TM9SF4: variants seen among roughly 807,000 people sequenced by gnomAD.
The protein encoded by TM9SF4 is dinucleotide oxidase disulfide thiol exchanger 3 superfamily member 4.
A neutral mutation model predicts 90.4 loss-of-function variants in TM9SF4; 26 were observed. That is an observed-to-expected ratio of 0.29 (90% CI 0.21 to 0.40). The LOEUF is 0.40. Ranked by LOEUF, TM9SF4 falls within the 10% of genes least tolerant of loss-of-function variation. TM9SF4 has a pLI of 1.00. For missense variants in TM9SF4, 549 were observed against 834.8 expected, an observed-to-expected ratio of 0.66 and a Z score of 4.22; for synonymous variants, 293 against 315.4, an observed-to-expected ratio of 0.93 and a Z score of 0.75.
chr20:32,112,477 C>G (rs2046157532), intron 1 of TM9SF4, among the ~76,000 whole-genome samples: 2 of 152,112 alleles, frequency 1.3e-5, no homozygotes, highest in South Asian at 4.1e-4. Context: ...AGGCAAATCA[C>G]TTGAGGCCAG....
Position 32,136,148 on chromosome 20 carries a change from G to A in TM9SF4, c.204G>A (p.Lys68=), listed in dbSNP as rs1311422208. 6.2e-7 allele frequency: 1 copy of A among 1,614,064 alleles called. No homozygotes were observed. Among genetic ancestry groups the A allele is most frequent in the African/African-American group, 1.3e-5 (1 of 74,928 alleles). Reference sequence around the variant, plus strand: ...CACTGCCCTTCTGCCAGCCCAGCAAGATAACCTACAAGGCAGAGAATCTGG... The same window carrying A: ...CACTGCCCTTCTGCCAGCCCAGCAAAATAACCTACAAGGCAGAGAATCTGG... ...YYSLPFCQPS[K]ITYKAENLGE... is the part of the protein sequence containing the mutation. The change falls in exon 3 of 18, where the codon AAG becomes AAA. Residue 68 remains lysine (K), a synonymous_variant. Coordinates refer to ENST00000398022, the MANE Select transcript of TM9SF4 (RefSeq NM_014742.4).
At chr20:32,161,088 C>G (rs1030196161) in intron 16 of TM9SF4, 188 bp from the exon 17 acceptor site, 2 of 541,276 alleles carry the variant, frequency 3.7e-6, no homozygotes, top group Admixed American at 3.2e-5. Flanking sequence ...CTTCTTTGTC[C>G]ACAGTTCTGT....
intron 1 of TM9SF4, among the ~76,000 whole-genome samples, chr20:32,121,858 G>A (rs1466763531): frequency 3.7e-4 from 54 of 146,692 alleles, no homozygotes; most frequent in Non-Finnish European, 6.8e-4. Context: ...CCTCCCGGAC[G>A]GGGCGGCTGG....
At chr20:32,127,988 T>C (rs1424517122) in intron 1 of TM9SF4, among the ~76,000 whole-genome samples, 4 of 152,226 alleles carry the variant, frequency 2.6e-5, no homozygotes, top group Non-Finnish European at 5.9e-5. Context: ...TAATCATACT[T>C]ACATATAAGG....
At chr20:32,152,513 C>T (rs2046857687) in intron 12 of TM9SF4, among the ~76,000 whole-genome samples, 1 of 151,904 alleles carries the variant, frequency 6.6e-6, no homozygotes, top group Admixed American at 6.6e-5. Flanking sequence ...CCGTGAATTC[C>T]ACCCCCTCCC....
intron 14 of TM9SF4, 105 bp from the exon 15 acceptor site, chr20:32,158,346 C>G (rs1165722919): frequency 7.3e-6 from 8 of 1,098,426 alleles, no homozygotes; most frequent in Admixed American, 3.5e-5. Flanking sequence ...GAATTAGCAC[C>G]ACCACACTCG....
chr20:32,135,448 GAGAAACTGATTTTTTAAA>G (rs932490075), intron 2 of TM9SF4, among the ~76,000 whole-genome samples: 2 of 152,198 alleles, frequency 1.3e-5, no homozygotes, highest in African/African-American at 4.8e-5. Context: ...ATGCTAATGG[GAGAAACTGATTTTTTAAA>G]AAACAGGGAA....
chr20:32,158,666 C>G, intron 15 of TM9SF4, 152 bp downstream of exon 15: 1 of 788,350 alleles, frequency 1.3e-6, no homozygotes, highest in South Asian at 1.7e-5. Context: ...TGGACAACAG[C>G]CTTCCCTCTC....
intron 13 of TM9SF4, among the ~76,000 whole-genome samples, chr20:32,156,937 A>ATTTTATTTTT: frequency 1.6e-5 from 1 of 63,050 alleles, no homozygotes; most frequent in Admixed American, 1.6e-4. Flanking sequence ...TTTCCTGGAC[A>ATTTTATTTTT]TTTTCTTTTT....
At chr20:32,124,302 G>A (rs2046386952) in intron 1 of TM9SF4, among the ~76,000 whole-genome samples, 1 of 152,238 alleles carries the variant, frequency 6.6e-6, no homozygotes. Context: ...GGAGAGACAA[G>A]TGAGACAAAC....
Position 32,166,321 on chromosome 20 carries a change from C to T in TM9SF4, c.*877C>T, listed in dbSNP as rs1401785640. 25 of 152,810 alleles carry T rather than the reference C, an allele frequency of 1.6e-4. No homozygotes were observed. The highest frequency in any genetic ancestry group is 1.4e-3 in the Admixed American group (22 of 15,292). 9.5% of individuals were successfully genotyped at this position (152,810 alleles called of 1,614,324 possible). ...GTGTCTGGGAAGGGATGGCCAAGGC[C>T]GCTAGGGTCCTTACCCCTCAGGATC... is the stretch of plus-strand genomic sequence containing the variant. On this transcript the variant is annotated 3_prime_UTR_variant, in exon 18 of 18. Coordinates refer to ENST00000398022, the MANE Select transcript of TM9SF4 (RefSeq NM_014742.4).
intron 1 of TM9SF4, among the ~76,000 whole-genome samples, chr20:32,117,081 G>A (rs562083785): frequency 6.6e-6 from 1 of 151,178 alleles, no homozygotes; most frequent in African/African-American, 2.4e-5. Context: ...AAAAATTGCC[G>A]GGTCTGGTGG....
chr20:32,165,255 C>G (rs372846954), intron 17 of TM9SF4, 40 bp from the exon 18 acceptor site: 15 of 1,611,682 alleles, frequency 9.3e-6, no homozygotes, highest in Non-Finnish European at 1.2e-5. Context: ...CAGCCTGGCA[C>G]TAAGCATGCA....
In TM9SF4 at chr20:32,146,847, G is replaced by C. The variant is rs146506651; in HGVS notation, c.946G>C (p.Asp316His). 1 of 1,613,922 alleles carries C rather than the reference G, an allele frequency of 6.2e-7. No homozygotes were observed. Residue 316 changes from aspartate (D) to histidine (H), a missense_variant, in exon 9 of 18, where the codon GAT becomes CAT. This residue lies in a region of TM9SF4 where 495 missense variants were observed against 711.7 expected (regional missense o/e 0.70). Coordinates refer to ENST00000398022, the MANE Select transcript of TM9SF4 (RefSeq NM_014742.4). The part of the protein sequence containing the change: ...RKDIANYNKE[D>H]DIEDTMEESG... ...GGACATTGCCAACTACAACAAGGAG[G>C]ATGACATTGTACGAGGTCTTGGCTG... is the stretch of plus-strand genomic sequence containing the variant.
At chr20:32,148,106 G>A (rs149031617) in intron 9 of TM9SF4, among the ~76,000 whole-genome samples, 144 of 152,204 alleles carry the variant, frequency 9.5e-4, no homozygotes, top group Middle Eastern at 3.4e-3. Flanking sequence ...GCAAGACTCC[G>A]TCTCATAAAT....
At chr20:32,153,539 A>C (rs1351713852) in intron 12 of TM9SF4, among the ~76,000 whole-genome samples, 5 of 152,218 alleles carry the variant, frequency 3.3e-5, no homozygotes, top group African/African-American at 1.2e-4. Context: ...ACTTGAGCCC[A>C]GGAGTTTGAG....
At position 32,157,808 on chromosome 20, in the gene TM9SF4, C is replaced by T. The variant is rs753530065; in HGVS notation, c.1344C>T (p.Thr448=). The T allele has an allele frequency of 6.2e-7, 1 of 1,614,176 alleles. No homozygotes were observed. Among genetic ancestry groups the T allele is most frequent in the South Asian group, 1.1e-5 (1 of 91,082 alleles). The change falls in exon 14 of 18, where the codon ACC becomes ACT. Residue 448 remains threonine, a synonymous_variant. Transcript: ENST00000398022. ...CATGTCTACAGGTGCCCTTTCCCAC[C>T]ATGGTGGCTCTGCTGTGCATGTGGT... The part of the protein sequence containing the change: ...KHSSGAVPFP[T]MVALLCMWFG...
At chr20:32,111,103 ACTTAC>A (rs1445563930) in intron 1 of TM9SF4, among the ~76,000 whole-genome samples, 1 of 152,192 alleles carries the variant, frequency 6.6e-6, no homozygotes, top group Non-Finnish European at 1.5e-5. Context: ...CTGACTGAGA[ACTTAC>A]CTTTGTTTAA....
Position 32,141,908 on chromosome 20 carries a change from T to C in TM9SF4, c.528+13T>C, listed in dbSNP as rs769145274. 1.2e-5 allele frequency: 20 copies of C among 1,613,798 alleles called. No individual in the cohort carries two copies. In the South Asian group the frequency reaches 2.0e-4, roughly 16 times the overall value. Reference sequence around the variant, plus strand: ...AGATGTCAACAAGGTAGAGTGTCTTTGGCGTGCTCACAGGACCGGGAGCCA... The same window carrying C: ...AGATGTCAACAAGGTAGAGTGTCTTCGGCGTGCTCACAGGACCGGGAGCCA... On this transcript the variant is annotated intron_variant, in intron 5 of 17. Transcript: ENST00000398022.
Sources: allele counts gnomAD v4.1 joint callset (sites outside exome capture counted in the v4.1 genomes callset), GRCh38; gene constraint gnomAD v4.1.1; regional missense constraint gnomAD v4.1.1; transcripts MANE v1.5; gene names NCBI Gene and HGNC (gene_info 2026-07-23, HGNC 2026-07-21).